Variants in PARP11 observed in about 807,000 individuals in gnomAD.
The protein encoded by PARP11 is protein mono-ADP-ribosyltransferase PARP11.
In PARP11, 31 loss-of-function variants were observed where a neutral mutation model predicts 42.9. The ratio of observed to expected loss-of-function variants is 0.72; its 90% CI spans 0.54 to 0.98. The LOEUF is 0.98. Ranked by LOEUF, PARP11 falls within the 50% of genes least tolerant of loss-of-function variation. The pLI, the probability that PARP11 is intolerant of heterozygous loss-of-function variation, is 0.00. For synonymous variants in PARP11, 137 were observed against 127.3 expected, an observed-to-expected ratio of 1.08 and a Z score of -0.51; for missense variants, 365 against 413.1, an observed-to-expected ratio of 0.88 and a Z score of 1.01.
intron 1 of PARP11, among the ~76,000 whole-genome samples, chr12:3,848,034 AAAG>A (rs1466620292): frequency 1.3e-5 from 2 of 152,198 alleles, no homozygotes; most frequent in African/African-American, 2.4e-5. Flanking sequence ...ACAATCTAAA[AAAG>A]AAATCAAGAA....
intron 1 of PARP11, among the ~76,000 whole-genome samples, chr12:3,849,822 TTGAA>T (rs1298880478): frequency 1.3e-5 from 2 of 152,146 alleles, no homozygotes; most frequent in East Asian, 1.9e-4. Context: ...AGGGAATAGT[TTGAA>T]TGGTTTCTAG....
At chr12:3,817,123 G>A (rs1423055064) in intron 6 of PARP11, among the ~76,000 whole-genome samples, 2 of 151,990 alleles carry the variant, frequency 1.3e-5, no homozygotes, top group Admixed American at 6.6e-5. Flanking sequence ...CCCCGGAGGC[G>A]GAACTTGCAG....
intron 7 of PARP11, among the ~76,000 whole-genome samples, chr12:3,813,336 A>G (rs1319536491): frequency 1.3e-5 from 2 of 152,262 alleles, no homozygotes; most frequent in Admixed American, 6.5e-5. Flanking sequence ...CTGAGAGAGT[A>G]TAATGCTATT....
chr12:3,819,325 A>G (rs1947349259), intron 6 of PARP11, among the ~76,000 whole-genome samples: 1 of 152,218 alleles, frequency 6.6e-6, no homozygotes, highest in Admixed American at 6.5e-5. Context: ...TTAATTACTG[A>G]AACAATTTCC....
At chr12:3,853,159 C>G (rs547769841) in intron 1 of PARP11, among the ~76,000 whole-genome samples, 7 of 152,190 alleles carry the variant, frequency 4.6e-5, no homozygotes, top group East Asian at 3.9e-4. Context: ...AGGAACAACC[C>G]GTACCAGCCA....
At chr12:3,870,789 T>A (rs1373180462) in intron 1 of PARP11, among the ~76,000 whole-genome samples, 1 of 151,966 alleles carries the variant, frequency 6.6e-6, no homozygotes, top group Non-Finnish European at 1.5e-5. Flanking sequence ...GGCTAAAGGG[T>A]TTGTTATGGA....
intron 7 of PARP11, 21 bp downstream of exon 7, chr12:3,814,016 A>C (rs1947233355): frequency 6.5e-7 from 1 of 1,530,448 alleles, no homozygotes; most frequent in Admixed American, 1.9e-5. Context: ...CTCAAATTGG[A>C]CCTGGAATTC....
intron 1 of PARP11, chr12:3,841,876 G>T: frequency 6.2e-7 from 1 of 1,608,562 alleles, no homozygotes; most frequent in Non-Finnish European, 8.5e-7. Context: ...TCTGTCTAAA[G>T]ATTGTGGTTC....
At chr12:3,833,756 C>T (rs533139763) in intron 1 of PARP11, among the ~76,000 whole-genome samples, 10 of 152,298 alleles carry the variant, frequency 6.6e-5, no homozygotes, top group South Asian at 2.1e-4. Flanking sequence ...GAGTCTGTGG[C>T]GTTTGAGTTA....
At chr12:3,870,880 G>C (rs1316362204) in intron 1 of PARP11, among the ~76,000 whole-genome samples, 1 of 152,182 alleles carries the variant, frequency 6.6e-6, no homozygotes, top group African/African-American at 2.4e-5. Flanking sequence ...GTTGATGACA[G>C]ATAGTGAAAC....
At chr12:3,858,231 GATA>G (rs1190663837) in intron 1 of PARP11, among the ~76,000 whole-genome samples, 1 of 152,176 alleles carries the variant, frequency 6.6e-6, no homozygotes, top group African/African-American at 2.4e-5. Context: ...TTCTAATATT[GATA>G]ATGAGGCTCC....
Position 3,873,249 on chromosome 12 carries a change from G to GGA in PARP11, c.-22_-21dup. ...CCACATAACGGTGACAAAATCGAGC[G>GGA]GAGAGAGCCTGTGGGAAGGGGCTAG... On this transcript the variant is annotated 5_prime_UTR_variant, in exon 1 of 8. Transcript: ENST00000228820. 6.5e-7 allele frequency: 1 copy of GGA among 1,550,010 alleles called. No individual in the cohort carries two copies. The highest frequency in any genetic ancestry group is 8.7e-7 in the Non-Finnish European group (1 of 1,146,290).
intron 1 of PARP11, among the ~76,000 whole-genome samples, chr12:3,848,707 A>G (rs1948043351): frequency 6.6e-6 from 1 of 152,208 alleles, no homozygotes; most frequent in South Asian, 2.1e-4. Flanking sequence ...TGAAACTACT[A>G]GAAGAAAACA....
intron 1 of PARP11, among the ~76,000 whole-genome samples, chr12:3,837,454 C>A (rs1294082765): frequency 1.3e-5 from 2 of 151,940 alleles, no homozygotes; most frequent in East Asian, 3.9e-4. Context: ...TATAATAGAC[C>A]CACTAAAAAT....
chr12:3,858,069 T>C (rs948023948), intron 1 of PARP11, among the ~76,000 whole-genome samples: 1 of 152,222 alleles, frequency 6.6e-6, no homozygotes, highest in African/African-American at 2.4e-5. Flanking sequence ...CCTAAGACTA[T>C]GTTCAGTGTT....
chr12:3,838,029 G>T (rs995425988), intron 1 of PARP11, among the ~76,000 whole-genome samples: 78 of 148,602 alleles, frequency 5.2e-4, no homozygotes, highest in African/African-American at 1.8e-3. Context: ...TAATAAAAAG[G>T]GACTTCCAGC....
chr12:3,871,990 A>G (rs1427029867), intron 1 of PARP11: 8 of 152,156 alleles, frequency 5.3e-5, no homozygotes, highest in Non-Finnish European at 7.3e-5. Context: ...CTCTCCTACA[A>G]AGCAAGCCAT....
At chr12:3,852,293 G>A (rs1948110889) in intron 1 of PARP11, among the ~76,000 whole-genome samples, 2 of 152,218 alleles carry the variant, frequency 1.3e-5, no homozygotes, top group Non-Finnish European at 2.9e-5. Flanking sequence ...ACTTTGACGA[G>A]TTGACAGAAG....
intron 1 of PARP11, chr12:3,832,100 A>G (rs3809254): frequency 0.15 from 138,846 of 954,094 alleles, 12,610 homozygotes; most frequent in African/African-American, 0.36. Flanking sequence ...GTGCTCCGCT[A>G]TAAAACACCT....
Sources: gnomAD v4.1 joint callset for allele counts (sites outside exome capture counted in the v4.1 genomes callset) on GRCh38, gnomAD v4.1.1 for gene constraint, MANE v1.5 for transcripts, NCBI Gene and HGNC (gene_info 2026-07-23, HGNC 2026-07-21) for gene names.